LRRC7: variants seen among roughly 807,000 people sequenced by gnomAD.
LRRC7 encodes the protein leucine rich repeat containing 7.
In LRRC7, 23 loss-of-function variants were observed where a neutral mutation model predicts 175.7. The observed-to-expected ratio is 0.13, with a 90% CI of 0.09 to 0.19. The LOEUF (loss-of-function observed/expected upper bound fraction) is 0.19. LRRC7 is among the 10% of genes least tolerant of loss of function. LRRC7 has a pLI of 1.00. For synonymous variants in LRRC7, 685 were observed against 680.9 expected, an observed-to-expected ratio of 1.01 and a Z score of -0.09; for missense variants, 1,354 against 1,904.7, an observed-to-expected ratio of 0.71 and a Z score of 5.38.
intron 24 of LRRC7, among the ~76,000 whole-genome samples, chr1:70,083,530 A>T (rs1010226660): frequency 7.9e-5 from 12 of 152,048 alleles, no homozygotes; most frequent in African/African-American, 2.7e-4. Context: ...TCCTCATCTC[A>T]TCTGACCTCT....
At chr1:69,679,983 G>A (rs774247305) in intron 2 of LRRC7, among the ~76,000 whole-genome samples, 18 of 152,056 alleles carry the variant, frequency 1.2e-4, no homozygotes, top group Non-Finnish European at 1.6e-4. Flanking sequence ...GCACTACAAA[G>A]GAAGAATTGA....
intron 16 of LRRC7, among the ~76,000 whole-genome samples, chr1:70,022,070 C>T (rs189921455): frequency 9.9e-5 from 15 of 152,258 alleles, no homozygotes; most frequent in Admixed American, 7.9e-4. Context: ...TGAGCACTTA[C>T]TGGCAAGGCC....
intron 1 of LRRC7, among the ~76,000 whole-genome samples, chr1:69,662,795 G>C (rs1657672996): frequency 6.6e-6 from 1 of 152,210 alleles, no homozygotes; most frequent in Non-Finnish European, 1.5e-5. Flanking sequence ...TTGAAACCTT[G>C]ATATGCATGC....
At chr1:69,924,286 G>A (rs1441382665) in intron 7 of LRRC7, among the ~76,000 whole-genome samples, 1 of 152,016 alleles carries the variant, frequency 6.6e-6, no homozygotes, top group East Asian at 1.9e-4. Context: ...GGCGATGCGG[G>A]CTCTTTTTTG....
intron 4 of LRRC7, among the ~76,000 whole-genome samples, chr1:69,808,035 A>G (rs1349617277): frequency 2.0e-5 from 3 of 151,516 alleles, no homozygotes; most frequent in Admixed American, 6.6e-5. Flanking sequence ...TTCATGATTT[A>G]CTTCATTAAG....
chr1:70,029,719 T>G (rs1329243899), intron 18 of LRRC7, among the ~76,000 whole-genome samples: 1 of 152,102 alleles, frequency 6.6e-6, no homozygotes, highest in East Asian at 1.9e-4. Flanking sequence ...GTAATCACAG[T>G]TTAACATCAA....
intron 4 of LRRC7, among the ~76,000 whole-genome samples, chr1:69,801,935 A>G (rs1457927743): frequency 6.7e-6 from 1 of 149,798 alleles, no homozygotes; most frequent in Non-Finnish European, 1.5e-5. Flanking sequence ...CATTCATTTC[A>G]AAATTTTTTT....
intron 13 of LRRC7, 140 bp from the exon 14 acceptor site, chr1:70,016,325 T>C (rs1656959693): frequency 2.0e-6 from 1 of 489,784 alleles, no homozygotes; most frequent in African/African-American, 2.0e-5. Context: ...TTCATTTTTT[T>C]AAATATTGTT....
chr1:70,069,261 G>A (rs573131233), intron 23 of LRRC7, among the ~76,000 whole-genome samples: 1 of 152,238 alleles, frequency 6.6e-6, no homozygotes, highest in African/African-American at 2.4e-5. Flanking sequence ...GAAGGCAAAG[G>A]AGAAGCAGAC....
At chr1:70,062,297 C>T (rs1257647861) in intron 23 of LRRC7, among the ~76,000 whole-genome samples, 2 of 151,962 alleles carry the variant, frequency 1.3e-5, no homozygotes, top group Non-Finnish European at 2.9e-5. Flanking sequence ...CAGAACAATC[C>T]AAAGAACAAT....
chr1:69,815,044 A>G (rs150855808), intron 4 of LRRC7, among the ~76,000 whole-genome samples: 2 of 152,148 alleles, frequency 1.3e-5, no homozygotes, highest in East Asian at 3.9e-4. Flanking sequence ...TTGTTCTTTC[A>G]CTTATAGCTC....
chr1:69,665,075 T>C (rs1186804752), intron 1 of LRRC7, among the ~76,000 whole-genome samples: 1 of 152,160 alleles, frequency 6.6e-6, no homozygotes, highest in African/African-American at 2.4e-5. Context: ...CTTTCCCCAA[T>C]GTGTGTTCAT....
At chr1:69,963,618 G>A (rs1651359298) in intron 8 of LRRC7, among the ~76,000 whole-genome samples, 1 of 152,164 alleles carries the variant, frequency 6.6e-6, no homozygotes, top group South Asian at 2.1e-4. Context: ...AGTAGCCACA[G>A]TTTTTTGTGT....
intron 7 of LRRC7, among the ~76,000 whole-genome samples, chr1:69,926,385 CG>C (rs1557896779): frequency 3.8e-5 from 5 of 131,226 alleles, no homozygotes; most frequent in African/African-American, 1.1e-4. Context: ...GTCTCGTTGT[CG>C]GGTCTAATGT....
chr1:69,996,894 T>C (rs1385719923), intron 11 of LRRC7, among the ~76,000 whole-genome samples: 1 of 152,140 alleles, frequency 6.6e-6, no homozygotes, highest in Admixed American at 6.5e-5. Context: ...TCTTTTTTGG[T>C]TCCATATGAA....
intron 1 of LRRC7, among the ~76,000 whole-genome samples, chr1:69,623,965 A>G (rs1651076845): frequency 6.6e-6 from 1 of 152,014 alleles, no homozygotes; most frequent in Non-Finnish European, 1.5e-5. Context: ...TATGTTTCTC[A>G]TTTGGGGCTA....
In LRRC7 at chr1:69,945,529, A is replaced by T. The variant is rs140648906; in HGVS notation, c.711+13959A>T. On this transcript the variant is annotated intron_variant, in intron 8 of 26. Coordinates refer to ENST00000651989, the MANE Select transcript of LRRC7 (RefSeq NM_001370785.2). ...GCTTGTTTTAGAATCATTTTTTATAATTCTGTGGAAAATGTTAGAATTTGT... is the reference window on the plus strand; with the variant it reads ...GCTTGTTTTAGAATCATTTTTTATATTTCTGTGGAAAATGTTAGAATTTGT... Among the ~76,000 whole-genome samples, 1,233 of 152,130 alleles carry T rather than the reference A, an allele frequency of 8.1e-3. 14 individuals carry two copies. The highest frequency in any genetic ancestry group is 0.027 in the African/African-American group (1,128 of 41,516).
In LRRC7 at chr1:69,884,406, GCTCT is replaced by G. The variant is rs1244073534; in HGVS notation, c.647+46126_647+46129del. Among the ~76,000 whole-genome samples, 5 of 95,626 alleles carry G rather than the reference GCTCT, an allele frequency of 5.2e-5. 1 individual carries two copies. The highest frequency in any genetic ancestry group is 2.0e-4 in the African/African-American group (5 of 24,776). The allele number at this position is 95,626 out of a possible 152,430, so 62.7% of individuals were successfully genotyped here. On this transcript the variant is annotated intron_variant, in intron 7 of 26. Coordinates refer to ENST00000651989, the MANE Select transcript of LRRC7 (RefSeq NM_001370785.2). The stretch of plus-strand genomic sequence containing the variant: ...TGAATGGGAGTTCACTCATGATTTG[GCTCT>G]CTGTTTGTATGTTGTTGGTGTATAA...
intron 2 of LRRC7, among the ~76,000 whole-genome samples, chr1:69,717,345 T>G (rs556276405): frequency 6.6e-6 from 1 of 151,912 alleles, no homozygotes; most frequent in African/African-American, 2.4e-5. Flanking sequence ...CATTTCCTCC[T>G]TTTCAATCTT....
Sources: gnomAD v4.1 joint callset for allele counts (sites outside exome capture counted in the v4.1 genomes callset) on GRCh38, gnomAD v4.1.1 for gene constraint, MANE v1.5 for transcripts, NCBI Gene and HGNC (gene_info 2026-07-23, HGNC 2026-07-21) for gene names.